Variants in GRIA3 observed in about 807,000 individuals in gnomAD.
The protein encoded by GRIA3 is glutamate receptor 3.
Under a neutral mutation model 63.0 loss-of-function variants are expected in GRIA3, and 3 were observed. The ratio of observed to expected loss-of-function variants is 0.05; its 90% CI spans 0.02 to 0.12. The LOEUF is 0.12. Ranked by LOEUF, GRIA3 falls within the 10% of genes least tolerant of loss-of-function variation. The probability of loss-of-function intolerance (pLI) is 1.00; values close to 1 mark genes in which losing one functional copy is unlikely to be tolerated. For synonymous variants in GRIA3, 274 were observed against 257.9 expected, an observed-to-expected ratio of 1.06 and a Z score of -0.60; for missense variants, 347 against 700.9, an observed-to-expected ratio of 0.50 and a Z score of 5.70.
At chrX:123,343,762 A>ATTTTTT (rs544918906) in intron 4 of GRIA3, among the ~76,000 whole-genome samples, 1 of 97,943 alleles carries the variant, frequency 1.0e-5, no homozygotes, top group African/African-American at 3.7e-5. Flanking sequence ...ATGCCCGGCA[A>ATTTTTT]TTTTTTTTTT....
At chrX:123,458,010 C>T (rs2045770890) in intron 12 of GRIA3, among the ~76,000 whole-genome samples, 1 of 111,000 alleles carries the variant, frequency 9.0e-6, no homozygotes, top group Non-Finnish European at 1.9e-5. Flanking sequence ...CAAATGAAGG[C>T]CCTTAAAATG....
intron 4 of GRIA3, among the ~76,000 whole-genome samples, chrX:123,348,843 T>C (rs1283870672): frequency 1.5e-4 from 17 of 112,210 alleles, no homozygotes. Context: ...CAAGAAGATT[T>C]GAAAGTAGAT....
intron 2 of GRIA3, among the ~76,000 whole-genome samples, chrX:123,195,980 G>A (rs1927565955): frequency 9.0e-6 from 1 of 111,352 alleles, no homozygotes; most frequent in African/African-American, 3.3e-5. Context: ...CCCAGGCAAT[G>A]CGGAGGCCCT....
At chrX:123,283,065 G>T (rs1248724627) in intron 3 of GRIA3, among the ~76,000 whole-genome samples, 2 of 111,949 alleles carry the variant, frequency 1.8e-5, no homozygotes, top group Non-Finnish European at 3.8e-5. Context: ...CATGGGGACT[G>T]GTTAGACAGT....
At chrX:123,262,778 A>G (rs2044467291) in intron 3 of GRIA3, among the ~76,000 whole-genome samples, 1 of 111,629 alleles carries the variant, frequency 9.0e-6, no homozygotes, top group Admixed American at 9.5e-5. Context: ...GGCAGGCTGG[A>G]CTAGCCAGGG....
intron 4 of GRIA3, among the ~76,000 whole-genome samples, chrX:123,345,567 G>C (rs895303534): frequency 9.1e-6 from 1 of 110,085 alleles, no homozygotes; most frequent in African/African-American, 3.3e-5. Context: ...GGGAGAGGAT[G>C]GCGCAGGGGA....
At chrX:123,187,650 T>C (rs915229198) in intron 2 of GRIA3, among the ~76,000 whole-genome samples, 1 of 111,962 alleles carries the variant, frequency 8.9e-6, no homozygotes, top group Non-Finnish European at 1.9e-5. Context: ...TAGTAACAAA[T>C]AATATTTATT....
At chrX:123,401,129 GA>G (rs1286981056) in intron 7 of GRIA3, among the ~76,000 whole-genome samples, 1 of 111,671 alleles carries the variant, frequency 9.0e-6, no homozygotes, top group Non-Finnish European at 1.9e-5. Context: ...TCCCAGACGG[GA>G]TGCGGGGAAA....
chrX:123,478,176 C>T (rs1473538114), intron 13 of GRIA3, among the ~76,000 whole-genome samples: 1 of 111,671 alleles, frequency 9.0e-6, no homozygotes, highest in Non-Finnish European at 1.9e-5. Context: ...AGAAGAGCAT[C>T]AGACGGTGGA....
At chrX:123,393,615 T>C (rs1386947277) in intron 5 of GRIA3, among the ~76,000 whole-genome samples, 1 of 112,387 alleles carries the variant, frequency 8.9e-6, no homozygotes, top group Non-Finnish European at 1.9e-5. Flanking sequence ...GGGTGAAGTA[T>C]ACTAATGTCT....
chrX:123,459,141 T>C (rs2045779261), intron 12 of GRIA3, among the ~76,000 whole-genome samples: 1 of 111,773 alleles, frequency 8.9e-6, no homozygotes, highest in Admixed American at 9.5e-5. Context: ...TAAAAAATCA[T>C]CCCATTTTAT....
intron 2 of GRIA3, among the ~76,000 whole-genome samples, chrX:123,240,774 C>T (rs918202831): frequency 2.7e-5 from 3 of 111,619 alleles, no homozygotes; most frequent in Non-Finnish European, 5.7e-5. Context: ...AGAGGTACTT[C>T]TCTGTTTGAT....
In GRIA3 at chrX:123,217,255, G is replaced by A. The variant is rs965908018; in HGVS notation, c.268+31265G>A. 3.6e-5 allele frequency among the ~76,000 whole-genome samples: 4 copies of A among 111,068 alleles called. No homozygotes were observed. The Admixed American group carries it at 3.8e-4, about 11-fold the overall frequency. On this transcript the variant is annotated intron_variant, in intron 2 of 15. Coordinates refer to ENST00000620443, the MANE Select transcript of GRIA3 (RefSeq NM_007325.5). ...GAGTCAGGAGAATTGAGAAAGCCCA[G>A]CCAGTCCCCAGAGCCAGGCCTCTCG...
intron 3 of GRIA3, among the ~76,000 whole-genome samples, chrX:123,303,679 T>C (rs938169000): frequency 1.2e-4 from 13 of 110,454 alleles, no homozygotes; most frequent in African/African-American, 4.0e-4. Flanking sequence ...CCCCAACTTT[T>C]GCTCCCATAC....
chrX:123,481,099 G>A (rs1023742394), intron 14 of GRIA3, among the ~76,000 whole-genome samples: 1 of 111,415 alleles, frequency 9.0e-6, no homozygotes, highest in Non-Finnish European at 1.9e-5. Context: ...AATAATACAT[G>A]GAACTTGAAA....
intron 3 of GRIA3, among the ~76,000 whole-genome samples, chrX:123,310,395 G>A (rs2044782183): frequency 8.9e-6 from 1 of 112,951 alleles, no homozygotes; most frequent in South Asian, 3.6e-4. Context: ...TTTGATGACT[G>A]CTAGTGCCAG....
chrX:123,451,418 A>G (rs1327672603), intron 12 of GRIA3, among the ~76,000 whole-genome samples: 2 of 96,214 alleles, frequency 2.1e-5, no homozygotes, highest in African/African-American at 7.5e-5. Flanking sequence ...AGGTGGGAGG[A>G]TCCCTGAGCC....
chrX:123,451,280 C>T (rs1430484327), intron 12 of GRIA3, among the ~76,000 whole-genome samples: 1 of 109,107 alleles, frequency 9.2e-6, no homozygotes, highest in African/African-American at 3.3e-5. Context: ...GCATGAGGAA[C>T]ACTTGAGCCC....
intron 5 of GRIA3, among the ~76,000 whole-genome samples, chrX:123,377,406 C>G (rs754401370): frequency 1.8e-5 from 2 of 112,188 alleles, no homozygotes; most frequent in Middle Eastern, 9.2e-3. Context: ...TGCTTGAACC[C>G]AAATTAAATG....
Sources: allele counts gnomAD v4.1 joint callset (sites outside exome capture counted in the v4.1 genomes callset), GRCh38; gene constraint gnomAD v4.1.1; transcripts MANE v1.5; gene names NCBI Gene and HGNC (gene_info 2026-07-23, HGNC 2026-07-21).